The following MTMR3 variants were observed in gnomAD, a reference collection of about 807,000 sequenced individuals.
MTMR3 encodes phosphatidylinositol-3,5-bisphosphate 3-phosphatase MTMR3.
A neutral mutation model predicts 132.4 loss-of-function variants in MTMR3; 32 were observed. The ratio of observed to expected loss-of-function variants is 0.24; its 90% CI spans 0.18 to 0.32. The LOEUF is 0.32. Ranked by LOEUF, MTMR3 falls within the 10% of genes least tolerant of loss-of-function variation. MTMR3 has a pLI of 1.00. For synonymous variants in MTMR3, 556 were observed against 550.3 expected (o/e 1.01, Z -0.14); for missense variants, 1,216 against 1,489.6 (o/e 0.82, Z 3.02).
intron 8 of MTMR3, chr22:29,999,937 G>T (rs944042844): frequency 2.0e-5 from 3 of 152,130 alleles, no homozygotes; most frequent in African/African-American, 7.2e-5. Context: ...GCTTGAACCT[G>T]GGAGGTGGAG....
chr22:30,013,280 C>T, intron 13 of MTMR3, 76 bp from the exon 14 acceptor site: 1 of 1,500,836 alleles, frequency 6.7e-7, no homozygotes, highest in Non-Finnish European at 9.1e-7. Flanking sequence ...GGATTGCTTT[C>T]TGTGACACCA....
At chr22:29,997,728 C>T (rs963676864) in intron 7 of MTMR3, 1 of 152,136 alleles carries the variant, frequency 6.6e-6, no homozygotes, top group African/African-American at 2.4e-5. Context: ...ACCTGTTAAC[C>T]TGCCATCATC....
chr22:30,025,599 C>T, intron 19 of MTMR3, 31 bp from the exon 20 acceptor site: 1 of 1,612,822 alleles, frequency 6.2e-7, no homozygotes, highest in East Asian at 2.2e-5. Context: ...CTGGCCAAAA[C>T]TAACATTGTT....
At chr22:29,931,573 C>T (rs1018723199) in intron 1 of MTMR3, among the ~76,000 whole-genome samples, 2 of 152,170 alleles carry the variant, frequency 1.3e-5, no homozygotes, top group Non-Finnish European at 2.9e-5. Flanking sequence ...TGCCCTCATG[C>T]CCAGCTAACT....
intron 1 of MTMR3, among the ~76,000 whole-genome samples, chr22:29,935,196 A>G (rs968435718): frequency 6.6e-6 from 1 of 152,216 alleles, no homozygotes; most frequent in African/African-American, 2.4e-5. Flanking sequence ...TATTTGATCA[A>G]TTTACAATAG....
chr22:30,023,769 C>G, intron 19 of MTMR3: 1 of 448,906 alleles, frequency 2.2e-6, no homozygotes, highest in Non-Finnish European at 4.0e-6. Context: ...GTAGGGGAAC[C>G]AGTTGGGTTT....
chr22:30,026,038 G>T lies in MTMR3; in HGVS notation c.*237G>T. 8.8e-6 allele frequency: 4 copies of T among 454,360 alleles called. No individual in the cohort carries two copies. Among genetic ancestry groups the T allele is most frequent in the South Asian group, 5.1e-5 (1 of 19,736 alleles). The allele number at this position is 454,360 out of a possible 1,614,324, so 28.1% of individuals were successfully genotyped here. On this transcript the variant is annotated 3_prime_UTR_variant, in exon 20 of 20. Transcript: ENST00000401950. ...CCTTCAAAAAAGGAAACTTTCCCTT[G>T]GTTGTCTTAATTTTTTTTTTTTTTG...
rs1293229242 is a variant in MTMR3, at chr22:30,028,938, C to T, written c.*3137C>T. ...TGAGTGTGTGCCATGGCCATCGTGT[C>T]TACACACAGCCACTATTGTTCCTGT... is the stretch of plus-strand genomic sequence containing the variant. On this transcript the variant is annotated 3_prime_UTR_variant, in exon 20 of 20. Transcript: ENST00000401950. 6.6e-6 allele frequency: 1 copy of T among 152,382 alleles called. No homozygotes were observed. 9.4% of individuals were successfully genotyped at this position (152,382 alleles called of 1,614,324 possible).
intron 11 of MTMR3, 26 bp from the exon 12 acceptor site, chr22:30,008,992 G>C (rs756854892): frequency 1.3e-6 from 2 of 1,510,606 alleles, no homozygotes; most frequent in Non-Finnish European, 9.2e-7. Context: ...ACGTATTTGT[G>C]TTCTCTTTAT....
At chr22:29,954,672 G>A (rs1049316587) in intron 1 of MTMR3, among the ~76,000 whole-genome samples, 2 of 152,132 alleles carry the variant, frequency 1.3e-5, no homozygotes, top group African/African-American at 2.4e-5. Flanking sequence ...AAATTATCAC[G>A]TGATTTTTAG....
At chr22:29,891,376 T>C (rs1299719546) in intron 1 of MTMR3, among the ~76,000 whole-genome samples, 1 of 149,172 alleles carries the variant, frequency 6.7e-6, no homozygotes, top group Non-Finnish European at 1.5e-5. Flanking sequence ...TGTATATGTG[T>C]ATACATAATA....
At chr22:29,964,119 C>T (rs980608497) in intron 2 of MTMR3, among the ~76,000 whole-genome samples, 1 of 152,148 alleles carries the variant, frequency 6.6e-6, no homozygotes, top group East Asian at 1.9e-4. Context: ...CTTTTTACAT[C>T]TGTATCTTAT....
At chr22:29,887,771 T>C (rs2064707791) in intron 1 of MTMR3, among the ~76,000 whole-genome samples, 1 of 152,198 alleles carries the variant, frequency 6.6e-6, no homozygotes, top group Non-Finnish European at 1.5e-5. Flanking sequence ...GGCTGTGTTT[T>C]TAAGTAGCAG....
At chr22:29,884,990 G>A (rs1157335226) in intron 1 of MTMR3, among the ~76,000 whole-genome samples, 2 of 152,130 alleles carry the variant, frequency 1.3e-5, no homozygotes, top group Admixed American at 1.3e-4. Context: ...CTCATTTTCA[G>A]GTGACTCAGA....
chr22:30,028,440 A>G lies in MTMR3; in HGVS notation c.*2639A>G, dbSNP rs2067952669. ...TCTGCTCCTTAGCTCTTACAGCAGG[A>G]CTGTGGCATCTAGTCACTTCAATAC... On this transcript the variant is annotated 3_prime_UTR_variant, in exon 20 of 20. Transcript: ENST00000401950. The G allele has an allele frequency of 2.0e-5, 3 of 152,380 alleles. No homozygotes were observed. Among genetic ancestry groups the G allele is most frequent in the African/African-American group, 7.2e-5 (3 of 41,444 alleles). The allele number at this position is 152,380 out of a possible 1,614,324, so 9.4% of individuals were successfully genotyped here. A position where few individuals can be genotyped will look rare whatever the true frequency, so the allele number is the denominator to read the frequency against.
chr22:29,961,249 C>T (rs962337955), intron 2 of MTMR3, among the ~76,000 whole-genome samples: 3 of 151,828 alleles, frequency 2.0e-5, no homozygotes, highest in African/African-American at 7.3e-5. Flanking sequence ...ACAGAAATAG[C>T]GACTTGTGCA....
At chr22:29,909,362 T>C (rs1343395982) in intron 1 of MTMR3, among the ~76,000 whole-genome samples, 2 of 152,232 alleles carry the variant, frequency 1.3e-5, no homozygotes, top group Non-Finnish European at 2.9e-5. Flanking sequence ...TTCTGCCTTT[T>C]TGAGATTGAG....
At chr22:29,892,049 A>C (rs2064809846) in intron 1 of MTMR3, among the ~76,000 whole-genome samples, 1 of 151,894 alleles carries the variant, frequency 6.6e-6, no homozygotes, top group Admixed American at 6.6e-5. Flanking sequence ...GCTACTTGGG[A>C]GGCTGAGGAA....
chr22:29,913,722 T>TG (rs902020632), intron 1 of MTMR3, among the ~76,000 whole-genome samples: 11 of 147,698 alleles, frequency 7.4e-5, no homozygotes, highest in Admixed American at 2.0e-4. Flanking sequence ...TAATGGATAT[T>TG]GGGGTTTTTT....
Sources: allele counts gnomAD v4.1 joint callset (sites outside exome capture counted in the v4.1 genomes callset), GRCh38; gene constraint gnomAD v4.1.1; transcripts MANE v1.5; gene names NCBI Gene and HGNC (gene_info 2026-07-23, HGNC 2026-07-21).